Variants in CALN1 observed in about 807,000 individuals in gnomAD.
CALN1 encodes the protein calneuron 1, also known as calcium-binding protein 8.
CALN1 carries 17 observed loss-of-function variants against 30.6 expected under a neutral mutation model. The ratio of observed to expected loss-of-function variants is 0.56; its 90% CI spans 0.38 to 0.83. CALN1 has a LOEUF of 0.83. Ranked by LOEUF, CALN1 falls within the 40% of genes least tolerant of loss-of-function variation. The pLI is 0.00. For missense variants in CALN1, 291 were observed against 354.9 expected (o/e 0.82, Z 1.45); for synonymous variants, 156 against 131.4 (o/e 1.19, Z -1.28).
At chr7:71,929,377 C>T (rs534772130) in intron 5 of CALN1, among the ~76,000 whole-genome samples, 1 of 152,272 alleles carries the variant, frequency 6.6e-6, no homozygotes, top group South Asian at 2.1e-4. Flanking sequence ...TGAGAACATG[C>T]AGTACTGGTA....
At chr7:71,893,009 T>G (rs1390053898) in intron 5 of CALN1, among the ~76,000 whole-genome samples, 1 of 152,182 alleles carries the variant, frequency 6.6e-6, no homozygotes, top group Non-Finnish European at 1.5e-5. Flanking sequence ...TGAAATTGAC[T>G]CTGAAAAGCC....
chr7:72,182,769 TAAAA>T (rs111446877), intron 3 of CALN1, among the ~76,000 whole-genome samples: 1 of 143,158 alleles, frequency 7.0e-6, no homozygotes, highest in Non-Finnish European at 1.5e-5. Flanking sequence ...ACCAATGTTG[TAAAA>T]AAAAAAACAA....
At chr7:72,123,952 G>A (rs1303730374) in intron 3 of CALN1, among the ~76,000 whole-genome samples, 2 of 152,140 alleles carry the variant, frequency 1.3e-5, no homozygotes, top group African/African-American at 4.8e-5. Context: ...ATCAGCTGAG[G>A]CAGAATGACC....
intron 2 of CALN1, among the ~76,000 whole-genome samples, chr7:72,297,302 A>C (rs1798931534): frequency 6.6e-6 from 1 of 152,082 alleles, no homozygotes; most frequent in Non-Finnish European, 1.5e-5. Flanking sequence ...AACAAAATAA[A>C]TTAAGAAAAT....
intron 5 of CALN1, among the ~76,000 whole-genome samples, chr7:71,969,015 TTC>T (rs1297915373): frequency 1.3e-5 from 2 of 151,128 alleles, no homozygotes; most frequent in Admixed American, 6.6e-5. Flanking sequence ...TACCACTACA[TTC>T]CAGTCTCGGT....
chr7:72,027,726 A>AACACACACAC (rs111705413), intron 4 of CALN1, among the ~76,000 whole-genome samples: 169 of 143,312 alleles, frequency 1.2e-3, no homozygotes, highest in African/African-American at 4.3e-3. Context: ...CAAACAAACA[A>AACACACACAC]ACACACACAC....
intron 2 of CALN1, among the ~76,000 whole-genome samples, chr7:72,332,455 C>T (rs1441052717): frequency 6.6e-6 from 1 of 151,948 alleles, no homozygotes; most frequent in African/African-American, 2.4e-5. Context: ...GCTGCTTCCA[C>T]CCCAGCCCTG....
chr7:72,216,517 G>T (rs544156501), intron 3 of CALN1, among the ~76,000 whole-genome samples: 10 of 152,236 alleles, frequency 6.6e-5, no homozygotes, highest in Admixed American at 5.9e-4. Flanking sequence ...ATCATAGGGT[G>T]CATCCCAAGC....
chr7:72,298,003 C>T (rs1798983762), intron 2 of CALN1, among the ~76,000 whole-genome samples: 2 of 152,196 alleles, frequency 1.3e-5, no homozygotes, highest in Non-Finnish European at 2.9e-5. Flanking sequence ...AGATAGTGCA[C>T]TCACCATCTT....
chr7:72,403,598 G>A (rs1171362618), intron 1 of CALN1, among the ~76,000 whole-genome samples, 156 bp from the exon 2 acceptor site: 1 of 152,206 alleles, frequency 6.6e-6, no homozygotes. Flanking sequence ...TTACAGTTGA[G>A]ACACATGTTT....
At chr7:72,392,106 G>A (rs1304390471) in intron 2 of CALN1, among the ~76,000 whole-genome samples, 1 of 152,130 alleles carries the variant, frequency 6.6e-6, no homozygotes. Context: ...TTACAACCCA[G>A]ATACCAAGCT....
chr7:71,858,360 C>T (rs1023631559), intron 5 of CALN1, among the ~76,000 whole-genome samples: 6 of 152,108 alleles, frequency 3.9e-5, no homozygotes, highest in Non-Finnish European at 8.8e-5. Context: ...CACCCAATCT[C>T]GGGTATGTCT....
At chr7:72,024,050 AC>A (rs1219113740) in intron 4 of CALN1, among the ~76,000 whole-genome samples, 1 of 151,982 alleles carries the variant, frequency 6.6e-6, no homozygotes, top group South Asian at 2.1e-4. Flanking sequence ...GTTATACCTC[AC>A]CCCTGCTTCT....
intron 2 of CALN1, among the ~76,000 whole-genome samples, chr7:72,281,827 C>A (rs1797750388): frequency 6.6e-6 from 1 of 152,146 alleles, no homozygotes; most frequent in African/African-American, 2.4e-5. Flanking sequence ...TATACTCAAG[C>A]AAGCATCTCC....
At chr7:72,304,072 T>A (rs972819317) in intron 2 of CALN1, among the ~76,000 whole-genome samples, 4 of 152,074 alleles carry the variant, frequency 2.6e-5, no homozygotes, top group Non-Finnish European at 5.9e-5. Context: ...GAAGACAAGC[T>A]GCAAAAAAGA....
intron 3 of CALN1, among the ~76,000 whole-genome samples, chr7:72,244,277 G>A (rs539155931): frequency 1.7e-4 from 26 of 152,196 alleles, no homozygotes; most frequent in East Asian, 5.8e-4. Context: ...CCGATAAAAC[G>A]ATAGGGTAAA....
chr7:72,043,004 T>A (rs62462781), intron 4 of CALN1, among the ~76,000 whole-genome samples: 1 of 152,126 alleles, frequency 6.6e-6, no homozygotes, highest in Non-Finnish European at 1.5e-5. Flanking sequence ...CACAAAAATT[T>A]ATAGAAATAA....
intron 2 of CALN1, among the ~76,000 whole-genome samples, chr7:72,314,046 G>A (rs1800244463): frequency 6.6e-6 from 1 of 152,136 alleles, no homozygotes; most frequent in South Asian, 2.1e-4. Flanking sequence ...TGTGTTCCTG[G>A]AAGCCTGCAG....
chr7:71,816,391 T>C (rs911995897), intron 5 of CALN1, among the ~76,000 whole-genome samples: 2 of 152,078 alleles, frequency 1.3e-5, no homozygotes, highest in East Asian at 3.9e-4. Context: ...GTATTGTTCA[T>C]TTGGCTTTGG....
Sources: gnomAD v4.1 joint callset for allele counts (sites outside exome capture counted in the v4.1 genomes callset) on GRCh38, gnomAD v4.1.1 for gene constraint, MANE v1.5 for transcripts, NCBI Gene and HGNC (gene_info 2026-07-23, HGNC 2026-07-21) for gene names.